DACH1: variants seen among roughly 807,000 people sequenced by gnomAD.
DACH1 encodes the protein dachshund homolog 1.
A neutral mutation model predicts 54.2 loss-of-function variants in DACH1; 12 were observed. The observed-to-expected ratio is 0.22, with a 90% CI of 0.14 to 0.36. DACH1 has a LOEUF of 0.36. DACH1 is among the 10% of genes least tolerant of loss of function. The probability of loss-of-function intolerance (pLI) is 1.00; values close to 1 mark genes in which losing one functional copy is unlikely to be tolerated. For missense variants in DACH1, 805 were observed against 929.8 expected, an observed-to-expected ratio of 0.87 and a Z score of 1.75; for synonymous variants, 386 against 366.2, an observed-to-expected ratio of 1.05 and a Z score of -0.62.
At position 71,840,485 on chromosome 13, in the gene DACH1, C is replaced by T. The variant is rs542274965; in HGVS notation, c.848+25437G>A. ...GGTTCCTATATTTCAAGAGCAATCT[C>T]ACAACCCCGATTAATAGATATATCC... On this transcript the variant is annotated intron_variant, in intron 1 of 10. Transcript: ENST00000613252. Among the ~76,000 whole-genome samples the T allele has an allele frequency of 1.7e-4, 26 of 152,252 alleles. No homozygotes were observed. The South Asian group carries it at 5.4e-3, about 32-fold the overall frequency.
intron 2 of DACH1, among the ~76,000 whole-genome samples, chr13:71,665,683 C>T (rs531006030): frequency 2.6e-5 from 4 of 152,094 alleles, no homozygotes; most frequent in African/African-American, 9.6e-5. Flanking sequence ...TGACCCTGTC[C>T]TTTAAAAAGT....
chr13:71,586,912 T>G (rs1458105580), intron 3 of DACH1, among the ~76,000 whole-genome samples: 1 of 152,104 alleles, frequency 6.6e-6, no homozygotes, highest in South Asian at 2.1e-4. Context: ...CTTACTTTAA[T>G]GATTTTTGTT....
At chr13:71,707,531 G>C (rs970197162) in intron 1 of DACH1, among the ~76,000 whole-genome samples, 1 of 152,150 alleles carries the variant, frequency 6.6e-6, no homozygotes, top group Admixed American at 6.5e-5. Flanking sequence ...AGAAAGTAAG[G>C]AGAGGCAAAT....
At chr13:71,813,915 G>A (rs1380802534) in intron 1 of DACH1, among the ~76,000 whole-genome samples, 1 of 152,090 alleles carries the variant, frequency 6.6e-6, no homozygotes, top group African/African-American at 2.4e-5. Flanking sequence ...CCAATTTGGG[G>A]GCAAAATGAT....
chr13:71,562,968 T>C (rs1358371544), intron 4 of DACH1, among the ~76,000 whole-genome samples: 1 of 152,050 alleles, frequency 6.6e-6, no homozygotes, highest in African/African-American at 2.4e-5. Flanking sequence ...CCTTTATAAT[T>C]TGTATAAATA....
At chr13:71,468,992 C>T (rs1184074532) in intron 10 of DACH1, among the ~76,000 whole-genome samples, 1 of 152,134 alleles carries the variant, frequency 6.6e-6, no homozygotes, top group Non-Finnish European at 1.5e-5. Context: ...AGGCAACAAG[C>T]TAACTATCTA....
intron 3 of DACH1, among the ~76,000 whole-genome samples, chr13:71,610,335 C>T (rs1875227763): frequency 6.6e-6 from 1 of 152,158 alleles, no homozygotes; most frequent in South Asian, 2.1e-4. Context: ...ATTCTACTGT[C>T]ATACAGAATA....
chr13:71,712,263 T>G (rs1452603996), intron 1 of DACH1, among the ~76,000 whole-genome samples: 2 of 152,144 alleles, frequency 1.3e-5, no homozygotes, highest in Middle Eastern at 3.4e-3. Context: ...TTCTTAGAAC[T>G]TCAATCTGAA....
intron 1 of DACH1, among the ~76,000 whole-genome samples, chr13:71,842,312 C>T (rs555386101): frequency 5.3e-5 from 8 of 152,022 alleles, no homozygotes; most frequent in Non-Finnish European, 1.2e-4. Context: ...CGTGGTGGCT[C>T]ACACCTGTAA....
intron 6 of DACH1, among the ~76,000 whole-genome samples, chr13:71,518,682 T>A (rs998949926): frequency 1.3e-5 from 2 of 151,814 alleles, no homozygotes; most frequent in Non-Finnish European, 2.9e-5. Context: ...GTTTTCAATT[T>A]TTTTGAACCT....
intron 1 of DACH1, among the ~76,000 whole-genome samples, chr13:71,684,632 A>C (rs919305513): frequency 6.6e-6 from 1 of 152,134 alleles, no homozygotes; most frequent in Non-Finnish European, 1.5e-5. Flanking sequence ...ACGATAGAGC[A>C]TGGGGAACCT....
chr13:71,573,365 A>G, intron 3 of DACH1: 1 of 707,616 alleles, frequency 1.4e-6, no homozygotes, highest in Non-Finnish European at 2.6e-6. Context: ...GCCAACTGAT[A>G]AATACAATTT....
chr13:71,622,425 T>A (rs1276857690), intron 3 of DACH1, among the ~76,000 whole-genome samples: 1 of 151,960 alleles, frequency 6.6e-6, no homozygotes, highest in Non-Finnish European at 1.5e-5. Flanking sequence ...AAAACAAAGT[T>A]AAATATTTAT....
intron 1 of DACH1, among the ~76,000 whole-genome samples, chr13:71,693,851 A>T (rs1284672867): frequency 2.0e-5 from 3 of 152,180 alleles, no homozygotes; most frequent in Non-Finnish European, 4.4e-5. Context: ...TACAGCATAT[A>T]TAAGGTTAGG....
intron 2 of DACH1, among the ~76,000 whole-genome samples, chr13:71,662,537 A>G (rs1413361796): frequency 6.6e-6 from 1 of 152,044 alleles, no homozygotes; most frequent in African/African-American, 2.4e-5. Context: ...AATATATGTA[A>G]AAGGACTTAG....
intron 1 of DACH1, among the ~76,000 whole-genome samples, chr13:71,758,973 G>A (rs1339537449): frequency 6.8e-6 from 1 of 146,204 alleles, no homozygotes; most frequent in Non-Finnish European, 1.5e-5. Flanking sequence ...TTCTCACCTT[G>A]CTCTGCCCTT....
chr13:71,594,643 T>C lies in DACH1; in HGVS notation c.1127-21631A>G, dbSNP rs142960639. 1.2e-3 allele frequency among the ~76,000 whole-genome samples: 182 copies of C among 152,266 alleles called. 2 individuals carry two copies. The East Asian group carries it at 0.028, about 23-fold the overall frequency. On this transcript the variant is annotated intron_variant, in intron 3 of 10. Transcript: ENST00000613252. ...GAAAATAAATGTTTTAACTGTTTCA[T>C]CATCACTTTTTCAGTGCAAAGATTT...
chr13:71,618,715 T>C (rs1379722020), intron 3 of DACH1, among the ~76,000 whole-genome samples: 2 of 151,948 alleles, frequency 1.3e-5, no homozygotes, highest in African/African-American at 4.8e-5. Context: ...GCTCAGATTT[T>C]ATTTTAAAAG....
Position 71,866,755 on chromosome 13 carries a change from C to A in DACH1, c.15G>T (p.Ala5=). Residue 5 remains alanine, a synonymous_variant, in exon 1 of 11, where the codon GCG becomes GCT. Transcript: ENST00000613252. MAVP[A]ALIPPTQLVP... Reference sequence around the variant, plus strand: ...CCAGCTGGGTCGGAGGGATCAAAGCCGCCGGCACTGCCATGGTCACATATA... The same window carrying A: ...CCAGCTGGGTCGGAGGGATCAAAGCAGCCGGCACTGCCATGGTCACATATA... 2 of 1,382,554 alleles carry A rather than the reference C, an allele frequency of 1.4e-6. No individual in the cohort carries two copies. Among genetic ancestry groups the A allele is most frequent in the Non-Finnish European group, 1.9e-6 (2 of 1,059,718 alleles). 85.6% of individuals were successfully genotyped at this position (1,382,554 alleles called of 1,614,324 possible).
Sources: allele counts gnomAD v4.1 joint callset (sites outside exome capture counted in the v4.1 genomes callset), GRCh38; gene constraint gnomAD v4.1.1; transcripts MANE v1.5; gene names NCBI Gene and HGNC (gene_info 2026-07-23, HGNC 2026-07-21).